The following COLEC10 variants were observed in gnomAD, a reference collection of about 807,000 sequenced individuals.
The protein encoded by COLEC10 is collectin subfamily member 10, also known as collectin-10.
COLEC10 carries 22 observed loss-of-function variants against 28.4 expected under a neutral mutation model. The observed-to-expected ratio is 0.78, with a 90% CI of 0.55 to 1.11. The LOEUF (loss-of-function observed/expected upper bound fraction) is 1.11. Ranked by LOEUF, COLEC10 falls within the 50% of genes least tolerant of loss-of-function variation. The pLI is 0.00. For synonymous variants in COLEC10, 125 were observed against 116.1 expected (o/e 1.08, Z -0.49); for missense variants, 361 against 344.1 (o/e 1.05, Z -0.39).
intron 2 of COLEC10, 51 bp downstream of exon 2, chr8:119,089,802 A>G (rs1400887760): frequency 2.0e-6 from 3 of 1,467,996 alleles, no homozygotes; most frequent in African/African-American, 1.4e-5. Context: ...TTGTTCTTCT[A>G]TCTCTCCTGG....
chr8:119,081,893 A>T (rs1457140844), intron 1 of COLEC10, among the ~76,000 whole-genome samples: 3 of 152,196 alleles, frequency 2.0e-5, no homozygotes, highest in African/African-American at 7.2e-5. Flanking sequence ...GGGAAAAGTG[A>T]AGTTCAGATT....
chr8:118,971,445 G>A, the COLEC10 span, among the ~76,000 whole-genome samples: 1 of 151,932 alleles, frequency 6.6e-6, no homozygotes, highest in Non-Finnish European at 1.5e-5. Flanking sequence ...ACACACCATT[G>A]TAAACAATAG....
chr8:119,055,220 A>G (rs1814741052), intron 2 of COLEC10, among the ~76,000 whole-genome samples: 1 of 152,044 alleles, frequency 6.6e-6, no homozygotes, highest in African/African-American at 2.4e-5. Flanking sequence ...CAATAGGTCA[A>G]CCACTCACTG....
intron 2 of COLEC10, 68 bp downstream of exon 2, chr8:119,089,819 C>T (rs1455735656): frequency 9.7e-6 from 13 of 1,333,424 alleles, no homozygotes; most frequent in Non-Finnish European, 1.4e-5. Flanking sequence ...CTGGCCCTTG[C>T]CCTGGAAATT....
intron 2 of COLEC10, among the ~76,000 whole-genome samples, chr8:119,053,328 CA>C (rs771318567): frequency 6.6e-6 from 1 of 152,012 alleles, no homozygotes; most frequent in Non-Finnish European, 1.5e-5. Context: ...GAATTCTCAG[CA>C]ATCTTAGTAA....
chr8:119,093,853 T>TC (rs1815659201), intron 3 of COLEC10, among the ~76,000 whole-genome samples: 2 of 152,160 alleles, frequency 1.3e-5, no homozygotes, highest in Non-Finnish European at 1.5e-5. Flanking sequence ...AAGTGATATT[T>TC]CCCCATTGAA....
At chr8:118,956,855 T>C in the COLEC10 span, among the ~76,000 whole-genome samples, 2 of 152,180 alleles carry the variant, frequency 1.3e-5, no homozygotes, top group Admixed American at 6.5e-5. Context: ...CTTCATTAGA[T>C]AAAAACTCTT....
chr8:118,960,181 T>C, the COLEC10 span, among the ~76,000 whole-genome samples: 1 of 152,030 alleles, frequency 6.6e-6, no homozygotes, highest in African/African-American at 2.4e-5. Flanking sequence ...GAACAGGTAC[T>C]ATAGCATGTG....
chr8:119,092,600 A>AG (rs765768426), intron 3 of COLEC10, among the ~76,000 whole-genome samples: 31 of 152,200 alleles, frequency 2.0e-4, no homozygotes, highest in Admixed American at 3.9e-4. Context: ...TCAGGAAGAT[A>AG]GAACTTTCTT....
At chr8:119,045,576 G>A (rs1814572825) in intron 2 of COLEC10, among the ~76,000 whole-genome samples, 1 of 152,214 alleles carries the variant, frequency 6.6e-6, no homozygotes, top group Non-Finnish European at 1.5e-5. Context: ...TATATGGAGA[G>A]AAAACTGATA....
At chr8:118,964,825 C>A in the COLEC10 span, among the ~76,000 whole-genome samples, 1 of 152,150 alleles carries the variant, frequency 6.6e-6, no homozygotes, top group African/African-American at 2.4e-5. Context: ...ATGGTACAAG[C>A]GGTCACATCG....
chr8:119,069,650 ATATATATATATG>A (rs1208460439), intron 1 of COLEC10, among the ~76,000 whole-genome samples: 2 of 117,898 alleles, frequency 1.7e-5, no homozygotes, highest in African/African-American at 6.0e-5. Context: ...ATATATATAT[ATATATATATATG>A]TAAACTGCCA....
intron 1 of COLEC10, among the ~76,000 whole-genome samples, chr8:118,997,774 A>T (rs1250928710): frequency 6.6e-6 from 1 of 152,156 alleles, no homozygotes; most frequent in Non-Finnish European, 1.5e-5. Flanking sequence ...GCATTACTAG[A>T]AATTCACAAG....
At chr8:118,994,959 A>C (rs566598303), upstream of COLEC10, among the ~76,000 whole-genome samples, 1 of 152,160 alleles carries the variant, frequency 6.6e-6, no homozygotes, top group African/African-American at 2.4e-5. Context: ...CTTATTAAGG[A>C]TGTGTTAATT....
chr8:118,964,329 T>G, the COLEC10 span, among the ~76,000 whole-genome samples: 1 of 152,212 alleles, frequency 6.6e-6, no homozygotes, highest in African/African-American at 2.4e-5. Flanking sequence ...TATCGATCCC[T>G]TCTCATAGAA....
chr8:119,067,157 CTG>C (rs995239874), upstream of COLEC10: 4 of 935,618 alleles, frequency 4.3e-6, no homozygotes, highest in Non-Finnish European at 6.5e-6. Context: ...CTTCCTGTCT[CTG>C]TAGCCCTTTT....
intron 1 of COLEC10, among the ~76,000 whole-genome samples, chr8:119,069,857 A>G (rs992141528): frequency 1.3e-5 from 2 of 151,654 alleles, no homozygotes; most frequent in Non-Finnish European, 2.9e-5. Context: ...TAGTCTTAAT[A>G]CTTTTCTTCA....
the COLEC10 span, among the ~76,000 whole-genome samples, chr8:118,981,743 G>T: frequency 6.6e-6 from 1 of 152,128 alleles, no homozygotes; most frequent in African/African-American, 2.4e-5. Flanking sequence ...TTCAGCAATT[G>T]AATCTGATAT....
At chr8:118,974,962 G>A in the COLEC10 span, among the ~76,000 whole-genome samples, 10,439 of 152,006 alleles carry the variant, frequency 0.069, 636 homozygotes, top group East Asian at 0.16. Context: ...CTTTTAAAGG[G>A]CAGATTTTCA....
Sources: allele counts gnomAD v4.1 joint callset (sites outside exome capture counted in the v4.1 genomes callset), GRCh38; gene constraint gnomAD v4.1.1; transcripts MANE v1.5; gene names NCBI Gene and HGNC (gene_info 2026-07-23, HGNC 2026-07-21).